The following WNT2 variants were observed in gnomAD, a reference collection of about 807,000 sequenced individuals.
The protein encoded by WNT2 is protein Wnt-2.
Under a neutral mutation model 36.9 loss-of-function variants are expected in WNT2, and 12 were observed. The ratio of observed to expected loss-of-function variants is 0.33; its 90% CI spans 0.21 to 0.53. The LOEUF (loss-of-function observed/expected upper bound fraction) is 0.53, where lower values mean the gene tolerates loss of function less well. Ranked by LOEUF, WNT2 falls within the 20% of genes least tolerant of loss-of-function variation. The pLI is 0.95. For synonymous variants in WNT2, 163 were observed against 174.6 expected, an observed-to-expected ratio of 0.93 and a Z score of 0.52; for missense variants, 379 against 473.1, an observed-to-expected ratio of 0.80 and a Z score of 1.84.
intron 4 of WNT2, among the ~76,000 whole-genome samples, chr7:117,288,054 G>A (rs1380454451): frequency 6.6e-6 from 1 of 152,072 alleles, no homozygotes; most frequent in Non-Finnish European, 1.5e-5. Context: ...TTTCTCCAGG[G>A]ACTGGTCACC....
At chr7:117,308,145 A>G (rs1195280721) in intron 3 of WNT2, among the ~76,000 whole-genome samples, 1 of 152,236 alleles carries the variant, frequency 6.6e-6, no homozygotes, top group African/African-American at 2.4e-5. Context: ...AATTGGGCCA[A>G]CTCATACCTT....
At chr7:117,311,806 A>C (rs1041255025) in intron 3 of WNT2, among the ~76,000 whole-genome samples, 1 of 152,186 alleles carries the variant, frequency 6.6e-6, no homozygotes, top group African/African-American at 2.4e-5. Flanking sequence ...TCTGCCTTAC[A>C]CTTGTCTTCC....
chr7:117,309,180 T>C (rs972961445), intron 3 of WNT2, among the ~76,000 whole-genome samples: 1 of 144,462 alleles, frequency 6.9e-6, no homozygotes, highest in East Asian at 1.9e-4. Context: ...TGAGACCCTG[T>C]CTCCAAAAAA....
At position 117,277,738 on chromosome 7, in the gene WNT2, A is replaced by G. The variant is rs1794405208; in HGVS notation, c.*417T>C. 5.3e-6 allele frequency: 1 copy of G among 187,746 alleles called. No homozygotes were observed. The highest frequency in any genetic ancestry group is 1.1e-5 in the Non-Finnish European group (1 of 88,874). 11.6% of individuals were successfully genotyped at this position (187,746 alleles called of 1,614,324 possible). On this transcript the variant is annotated 3_prime_UTR_variant, in exon 5 of 5. Coordinates refer to ENST00000265441, the MANE Select transcript of WNT2 (RefSeq NM_003391.3). Reference sequence around the variant, plus strand: ...TTTACTGTTCCCATCTGAGAGAAGTATGGAATTTCTTAATTGGGACCATTT... The same window carrying G: ...TTTACTGTTCCCATCTGAGAGAAGTGTGGAATTTCTTAATTGGGACCATTT...
chr7:117,315,090 T>C lies in WNT2; in HGVS notation c.569A>G (p.Asn190Ser). 1 of 1,614,176 alleles carries C rather than the reference T, an allele frequency of 6.2e-7. No individual in the cohort carries two copies. The highest frequency in any genetic ancestry group is 8.5e-7 in the Non-Finnish European group (1 of 1,180,000). ...KDARALMNLH[N>S]NRAGRKAVKR... ...CCATACCTTCCTGCCAGCTCTGTTG[T>C]TGTGAAGATTCATCAGGGCTCTGGC... The change falls in exon 3 of 5, where the codon AAC (asparagine) becomes AGC (serine). Residue 190 changes from asparagine (N) to serine (S), a missense_variant. Transcript: ENST00000265441.
chr7:117,316,410 C>T (rs13247977), intron 2 of WNT2, among the ~76,000 whole-genome samples: 6 of 152,060 alleles, frequency 3.9e-5, no homozygotes, highest in African/African-American at 9.7e-5. Context: ...ATGGTTGCTG[C>T]GGCAAATATA....
At chr7:117,286,674 G>C (rs1450083176) in intron 4 of WNT2, among the ~76,000 whole-genome samples, 1 of 152,096 alleles carries the variant, frequency 6.6e-6, no homozygotes, top group African/African-American at 2.4e-5. Flanking sequence ...GGGAACTAAA[G>C]TATGTTAAAG....
At chr7:117,295,780 C>T (rs999509466) in intron 4 of WNT2, among the ~76,000 whole-genome samples, 9 of 152,170 alleles carry the variant, frequency 5.9e-5, no homozygotes, top group African/African-American at 2.2e-4. Flanking sequence ...CCGGTGAGAT[C>T]GTGAGCAGGT....
chr7:117,320,930 G>A, intron 1 of WNT2, 137 bp from the exon 2 acceptor site: 1 of 800,184 alleles, frequency 1.2e-6, no homozygotes, highest in Non-Finnish European at 2.0e-6. Context: ...TAGAAAGCAA[G>A]GGTATTTACT....
At chr7:117,320,893 A>C in intron 1 of WNT2, 100 bp from the exon 2 acceptor site, 1 of 1,005,878 alleles carries the variant, frequency 9.9e-7, no homozygotes, top group Non-Finnish European at 1.5e-6. Flanking sequence ...CTTTTCAAAT[A>C]TGAATTCCTT....
intron 4 of WNT2, among the ~76,000 whole-genome samples, chr7:117,286,926 T>G (rs1313473488): frequency 6.6e-6 from 1 of 152,240 alleles, no homozygotes; most frequent in Non-Finnish European, 1.5e-5. Context: ...TTTCCATATC[T>G]GGCACTACAT....
chr7:117,286,862 A>C (rs1374449745), intron 4 of WNT2, among the ~76,000 whole-genome samples: 3 of 152,212 alleles, frequency 2.0e-5, no homozygotes, highest in Non-Finnish European at 4.4e-5. Context: ...TGTCCCATTA[A>C]ATTAGCAAAT....
intron 3 of WNT2, among the ~76,000 whole-genome samples, chr7:117,305,973 C>G (rs1307521906): frequency 6.6e-6 from 1 of 152,144 alleles, no homozygotes; most frequent in African/African-American, 2.4e-5. Flanking sequence ...TCAGTTATTC[C>G]CAATTTTCAG....
chr7:117,290,665 A>G (rs949599217), intron 4 of WNT2, among the ~76,000 whole-genome samples: 3 of 152,268 alleles, frequency 2.0e-5, no homozygotes. Context: ...AGAGCAATGC[A>G]ACAAGGACTG....
rs1794390418 is a variant in WNT2 at position 117,276,930 on chromosome 7, T to A, written c.*1225A>T. 1 of 152,230 alleles carries A rather than the reference T, an allele frequency of 6.6e-6. No individual in the cohort carries two copies. Among genetic ancestry groups the A allele is most frequent in the South Asian group, 2.1e-4 (1 of 4,830 alleles). 9.4% of individuals were successfully genotyped at this position (152,230 alleles called of 1,614,324 possible). Reference sequence around the variant, plus strand: ...ATATAATATAGCAGGGTTACCAACTTTATAAGCAATGCTATGTGTCATTTG... The same window carrying A: ...ATATAATATAGCAGGGTTACCAACTATATAAGCAATGCTATGTGTCATTTG... On this transcript the variant is annotated 3_prime_UTR_variant, in exon 5 of 5. Coordinates refer to ENST00000265441, the MANE Select transcript of WNT2 (RefSeq NM_003391.3).
At chr7:117,307,387 C>T (rs985802427) in intron 3 of WNT2, among the ~76,000 whole-genome samples, 1 of 152,024 alleles carries the variant, frequency 6.6e-6, no homozygotes, top group African/African-American at 2.4e-5. Flanking sequence ...AGGAGCTTGC[C>T]CTAGATCTCA....
In WNT2 at chr7:117,298,453, G is replaced by C. The variant is rs374097867; in HGVS notation, c.589-577C>G. ...ACCCAAAGTTACACAGCCAGGAAAA[G>C]ACAGAGCCAGGCTGTACTGCAAAGT... is the stretch of plus-strand genomic sequence containing the variant. On this transcript the variant is annotated intron_variant, in intron 3 of 4. Transcript: ENST00000265441. 4.7e-4 allele frequency among the ~76,000 whole-genome samples: 72 copies of C among 152,274 alleles called. 1 individual carries two copies. The South Asian group carries it at 0.015, about 31-fold the overall frequency.
rs182219040 is a variant in WNT2 at position 117,284,757 on chromosome 7, A to C, written c.854-6373T>G. ...CTTATGTGAGCTAGGCCCCATGCTAAGCATTTTGCCTGCATTGTCTAATTT... is the reference window on the plus strand; with the variant it reads ...CTTATGTGAGCTAGGCCCCATGCTACGCATTTTGCCTGCATTGTCTAATTT... On this transcript the variant is annotated intron_variant, in intron 4 of 4. Transcript: ENST00000265441. This position sits in a 1 kb window ranked among gnomAD's most constrained non-coding sequence, Gnocchi z 5.2. 0.015 allele frequency among the ~76,000 whole-genome samples: 2,265 copies of C among 152,276 alleles called. 53 individuals are homozygous for C. The highest frequency in any genetic ancestry group is 0.015 in the Non-Finnish European group (1,033 of 68,028).
chr7:117,315,949 C>T lies in WNT2; in HGVS notation c.311-601G>A, dbSNP rs1795210104. 2.0e-5 allele frequency among the ~76,000 whole-genome samples: 3 copies of T among 152,222 alleles called. No individual in the cohort carries two copies. The South Asian group carries it at 6.2e-4, about 31-fold the overall frequency. ...TTGCATTAACACTGGAGAGCTTGGG[C>T]TTGGCATTGACTTTCATAAGTAATT... On this transcript the variant is annotated intron_variant, in intron 2 of 4. Coordinates refer to ENST00000265441, the MANE Select transcript of WNT2 (RefSeq NM_003391.3).
Sources: gnomAD v4.1 joint callset for allele counts (sites outside exome capture counted in the v4.1 genomes callset) on GRCh38, gnomAD v4.1.1 for gene constraint, Gnocchi (gnomAD v3.1) non-coding constraint, MANE v1.5 for transcripts, NCBI Gene and HGNC (gene_info 2026-07-23, HGNC 2026-07-21) for gene names.